The following MCC variants were observed in gnomAD, a reference collection of about 807,000 sequenced individuals.
MCC encodes colorectal mutant cancer protein.
In MCC, 90 loss-of-function variants were observed where a neutral mutation model predicts 116.2. That is an observed-to-expected ratio of 0.77 (90% CI 0.65 to 0.92). MCC has a LOEUF of 0.92. Ranked by LOEUF, MCC falls within the 40% of genes least tolerant of loss-of-function variation. The pLI, the probability that MCC is intolerant of heterozygous loss-of-function variation, is 0.00. For missense variants in MCC, 1,516 were observed against 1,312.2 expected (o/e 1.16, Z -2.40); for synonymous variants, 578 against 510.5 (o/e 1.13, Z -1.78).
intron 3 of MCC, among the ~76,000 whole-genome samples, chr5:113,336,714 C>T (rs1014064172): frequency 3.3e-5 from 5 of 152,192 alleles, no homozygotes; most frequent in Admixed American, 2.0e-4. Flanking sequence ...TAATAAATCT[C>T]TTATTCTGTA....
At chr5:113,427,799 A>T (rs1346779747) in intron 1 of MCC, among the ~76,000 whole-genome samples, 4 of 152,214 alleles carry the variant, frequency 2.6e-5, no homozygotes, top group Non-Finnish European at 4.4e-5. Context: ...TGAGTTCATT[A>T]AACCTAACCA....
chr5:113,472,239 C>T (rs950150913), intron 1 of MCC, among the ~76,000 whole-genome samples: 3 of 152,198 alleles, frequency 2.0e-5, no homozygotes, highest in Admixed American at 6.5e-5. Context: ...AGAAATCACC[C>T]GTCTTCTGTG....
intron 3 of MCC, among the ~76,000 whole-genome samples, chr5:113,258,695 C>A (rs931544420): frequency 6.6e-6 from 1 of 152,324 alleles, no homozygotes; most frequent in Middle Eastern, 3.4e-3. Context: ...CTTAGGAGAA[C>A]TGAGGTGAGG....
intron 1 of MCC, among the ~76,000 whole-genome samples, chr5:113,426,353 C>G (rs1770482103): frequency 6.6e-6 from 1 of 152,148 alleles, no homozygotes. Flanking sequence ...TCGTTGTCAT[C>G]CTTCAAAATG....
intron 8 of MCC, among the ~76,000 whole-genome samples, chr5:113,092,762 G>A (rs2150248971): frequency 6.6e-6 from 1 of 152,298 alleles, no homozygotes; most frequent in Admixed American, 6.5e-5. Context: ...TTGGGCGGAT[G>A]GGCTGGCCAG....
intron 3 of MCC, among the ~76,000 whole-genome samples, chr5:113,249,615 C>T (rs967616412): frequency 2.0e-5 from 3 of 152,124 alleles, no homozygotes; most frequent in Non-Finnish European, 4.4e-5. Context: ...TGGCTCACCC[C>T]CCAAAAATAA....
chr5:113,216,646 G>A (rs1265324663), intron 3 of MCC, among the ~76,000 whole-genome samples: 1 of 152,210 alleles, frequency 6.6e-6, no homozygotes, highest in South Asian at 2.1e-4. Flanking sequence ...CTGACAAAAT[G>A]ACTATATTTA....
At chr5:113,304,060 C>A (rs890877703) in intron 3 of MCC, among the ~76,000 whole-genome samples, 1 of 152,096 alleles carries the variant, frequency 6.6e-6, no homozygotes, top group Non-Finnish European at 1.5e-5. Context: ...GCTTTTCTTC[C>A]TTTACTATGT....
chr5:113,098,482 T>C (rs1440254727), intron 8 of MCC, among the ~76,000 whole-genome samples: 1 of 152,142 alleles, frequency 6.6e-6, no homozygotes, highest in Non-Finnish European at 1.5e-5. Flanking sequence ...CTTTACAGAG[T>C]AATTCTCCCT....
At chr5:113,387,488 G>T (rs1769290126) in intron 1 of MCC, among the ~76,000 whole-genome samples, 1 of 152,140 alleles carries the variant, frequency 6.6e-6, no homozygotes, top group Non-Finnish European at 1.5e-5. Context: ...TGAGTTCAGG[G>T]TTCAGATTAT....
rs1469564389 is a variant in MCC at position 113,022,766 on chromosome 5, T to A, written c.*4536A>T. The A allele has an allele frequency of 6.6e-6, 1 of 152,248 alleles. No homozygotes were observed. Among genetic ancestry groups the A allele is most frequent in the Non-Finnish European group, 1.5e-5 (1 of 68,040 alleles). 9.4% of individuals were successfully genotyped at this position (152,248 alleles called of 1,614,324 possible). ...TTGTGTATAACTTGCTTTGTTCTGC[T>A]GAGCTGATATTTCACCTGATTAGCA... On this transcript the variant is annotated 3_prime_UTR_variant, in exon 19 of 19. Transcript: ENST00000408903.
At position 113,091,965 on chromosome 5, in the gene MCC, G is replaced by T. The variant is rs143530249; in HGVS notation, c.1399-6655C>A. 3.6e-4 allele frequency among the ~76,000 whole-genome samples: 55 copies of T among 152,210 alleles called. No homozygotes were observed. The East Asian group carries it at 0.01, about 28-fold the overall frequency. On this transcript the variant is annotated intron_variant, in intron 8 of 18. Transcript: ENST00000408903. ...GATAGAGGCATCTCAGGTTCTGTGG[G>T]TCTGTGGGTGTTGTTCTGTTTCATT...
At chr5:113,329,545 C>A (rs558530717) in intron 3 of MCC, among the ~76,000 whole-genome samples, 1 of 152,106 alleles carries the variant, frequency 6.6e-6, no homozygotes, top group South Asian at 2.1e-4. Flanking sequence ...TCTGCAAGTT[C>A]ATTCTATACA....
chr5:113,080,416 A>T (rs1203072756), intron 11 of MCC, among the ~76,000 whole-genome samples: 3 of 152,242 alleles, frequency 2.0e-5, no homozygotes, highest in Admixed American at 2.0e-4. Context: ...ATGTCCATCA[A>T]TGATAGACTG....
At chr5:113,429,851 C>T (rs1296533448) in intron 1 of MCC, among the ~76,000 whole-genome samples, 1 of 152,178 alleles carries the variant, frequency 6.6e-6, no homozygotes, top group Non-Finnish European at 1.5e-5. Flanking sequence ...GAAACCAACA[C>T]AGTCAATGAC....
intron 8 of MCC, among the ~76,000 whole-genome samples, chr5:113,100,369 G>A (rs1448350754): frequency 6.6e-6 from 1 of 151,174 alleles, no homozygotes; most frequent in East Asian, 1.9e-4. Context: ...GCTCGTTGAA[G>A]CATAGAAGAG....
chr5:113,054,106 G>A, intron 14 of MCC, 147 bp from the exon 15 acceptor site: 2 of 610,194 alleles, frequency 3.3e-6, no homozygotes, highest in South Asian at 2.0e-5. Flanking sequence ...CACAGCATAG[G>A]AAAATGATAC....
At chr5:113,428,703 T>C in intron 1 of MCC, 1 of 152,246 alleles carries the variant, frequency 6.6e-6, no homozygotes, top group Non-Finnish European at 1.5e-5. Flanking sequence ...ACTTAAGGCC[T>C]CCCCATCTGA....
rs757203220 is a variant in MCC, at chr5:113,488,309, C to T, written c.106G>A (p.Glu36Lys). 1.9e-6 allele frequency: 3 copies of T among 1,590,470 alleles called. No homozygotes were observed. The highest frequency in any genetic ancestry group is 2.2e-5 in the South Asian group (2 of 89,950). Residue 36 changes from glutamate (E) to lysine (K), a missense_variant, in exon 1 of 19, where the codon GAG becomes AAG. By Grantham distance (56) the Glu-to-Lys change is moderately conservative. Transcript: ENST00000408903. ...SSSSDTSSTG[E>K]EERMRRLFQT... ...AAGAGGCGCCGCATCCTCTCCTCCTCGCCGGTGCTGGACGTGTCGCTGCTG... is the reference window on the plus strand; with the variant it reads ...AAGAGGCGCCGCATCCTCTCCTCCTTGCCGGTGCTGGACGTGTCGCTGCTG...
Sources: allele counts gnomAD v4.1 joint callset (sites outside exome capture counted in the v4.1 genomes callset), GRCh38; gene constraint gnomAD v4.1.1; transcripts MANE v1.5; gene names NCBI Gene and HGNC (gene_info 2026-07-23, HGNC 2026-07-21).